GALNTL5: variants seen among roughly 807,000 people sequenced by gnomAD.
GALNTL5 encodes the protein inactive polypeptide N-acetylgalactosaminyltransferase-like protein 5.
Under a neutral mutation model 51.0 loss-of-function variants are expected in GALNTL5, and 44 were observed. That is an observed-to-expected ratio of 0.86 (90% CI 0.68 to 1.11). The LOEUF is 1.11. Ranked by LOEUF, GALNTL5 falls within the 50% of genes least tolerant of loss-of-function variation. The probability of loss-of-function intolerance (pLI) is 0.00; values close to 1 mark genes in which losing one functional copy is unlikely to be tolerated. For missense variants in GALNTL5, 528 were observed against 531.8 expected (o/e 0.99, Z 0.07); for synonymous variants, 192 against 182.8 (o/e 1.05, Z -0.41).
intron 1 of GALNTL5, among the ~76,000 whole-genome samples, chr7:151,964,072 T>C (rs2081027552): frequency 6.6e-6 from 1 of 152,092 alleles, no homozygotes; most frequent in African/African-American, 2.4e-5. Context: ...CAGGTTTGGT[T>C]TCCCTGAGGC....
chr7:152,003,846 G>A (rs766747591), intron 6 of GALNTL5, among the ~76,000 whole-genome samples: 1 of 151,966 alleles, frequency 6.6e-6, no homozygotes, highest in Non-Finnish European at 1.5e-5. Flanking sequence ...ACATTTTTAG[G>A]CTCTAATGTA....
In GALNTL5 at chr7:151,967,389, CT is replaced by C; in HGVS notation, c.144del (p.Gly49GlufsTer20). 1 of 1,613,994 alleles carries C rather than the reference CT, an allele frequency of 6.2e-7. No homozygotes were observed. The highest frequency in any genetic ancestry group is 1.1e-5 in the South Asian group (1 of 91,078). Reference protein sequence around the residue: ...KSQEPLSAWSPGKKVHQQIIY... With the variant: ...KSQEPLSAWSXGKKVHQQIIY... ...CAGGAGCCTCTGTCAGCTTGGTCCC[CT>C]GGAAAAAAAGTGCATCAGCAAATTA... On this transcript the variant is annotated frameshift_variant, in exon 2 of 9. Coordinates refer to ENST00000392800, the MANE Select transcript of GALNTL5 (RefSeq NM_145292.4). LOFTEE classifies it high-confidence loss of function.
intron 3 of GALNTL5, among the ~76,000 whole-genome samples, chr7:151,977,519 A>G (rs2081222179): frequency 6.6e-6 from 1 of 152,166 alleles, no homozygotes; most frequent in Admixed American, 6.5e-5. Flanking sequence ...AAGTCTATGT[A>G]TGATTCAAGT....
At chr7:151,959,963 C>T (rs1229425612) in intron 1 of GALNTL5, among the ~76,000 whole-genome samples, 1 of 152,122 alleles carries the variant, frequency 6.6e-6, no homozygotes, top group Non-Finnish European at 1.5e-5. Context: ...CAGAGCCTTC[C>T]TCCTTCCCTG....
intron 6 of GALNTL5, among the ~76,000 whole-genome samples, chr7:152,004,289 TAC>T: frequency 6.6e-6 from 1 of 151,106 alleles, no homozygotes; most frequent in Admixed American, 6.6e-5. Context: ...TCTGTCAGTA[TAC>T]CTTTGTGTGA....
intron 4 of GALNTL5, among the ~76,000 whole-genome samples, chr7:151,984,886 C>T (rs2081340940): frequency 6.6e-6 from 1 of 152,194 alleles, no homozygotes; most frequent in African/African-American, 2.4e-5. Flanking sequence ...GGACGGATAC[C>T]TCCCCCAGCC....
intron 5 of GALNTL5, among the ~76,000 whole-genome samples, chr7:151,991,358 C>T (rs1028611346): frequency 6.6e-6 from 1 of 152,076 alleles, no homozygotes; most frequent in Non-Finnish European, 1.5e-5. Flanking sequence ...CTCATAGTGC[C>T]GGGATTACAG....
chr7:151,968,042 T>C (rs1436695001), intron 2 of GALNTL5, among the ~76,000 whole-genome samples: 2 of 152,176 alleles, frequency 1.3e-5, no homozygotes, highest in African/African-American at 4.8e-5. Flanking sequence ...ACACATGTAA[T>C]CTCGACCCTT....
chr7:151,978,634 A>T (rs563094273), intron 3 of GALNTL5, among the ~76,000 whole-genome samples: 5 of 152,310 alleles, frequency 3.3e-5, no homozygotes, highest in Non-Finnish European at 5.9e-5. Flanking sequence ...AACAAAAATT[A>T]TTCTCTCTCA....
At chr7:151,967,762 A>G (rs1229296962) in intron 2 of GALNTL5, among the ~76,000 whole-genome samples, 4 of 152,310 alleles carry the variant, frequency 2.6e-5, no homozygotes, top group Non-Finnish European at 1.5e-5. Flanking sequence ...GTAATAGTAC[A>G]GTAAAAACTC....
Position 151,967,203 on chromosome 7 carries a change from T to C in GALNTL5, c.-39-5T>C. The C allele has an allele frequency of 6.4e-7, 1 of 1,569,630 alleles. No individual in the cohort carries two copies. Among genetic ancestry groups the C allele is most frequent in the Non-Finnish European group, 8.7e-7 (1 of 1,150,684 alleles). ...TGCTGCTCCTCTTAAATCATTCTGA[T>C]TTAGGAAATTGAAAAATGGACCTTT... On this transcript the variant is annotated splice_polypyrimidine_tract_variant and splice_region_variant and intron_variant, in intron 1 of 8. Coordinates refer to ENST00000392800, the MANE Select transcript of GALNTL5 (RefSeq NM_145292.4).
Position 151,971,055 on chromosome 7 carries a change from A to G in GALNTL5, c.358A>G (p.Arg120Gly), listed in dbSNP as rs1353047575. Residue 120 changes from arginine to glycine, a missense_variant, in exon 3 of 9, where the codon AGG becomes GGG. Coordinates refer to ENST00000392800, the MANE Select transcript of GALNTL5 (RefSeq NM_145292.4). Reference sequence around the variant, plus strand: ...CATCGAAAGAGAAGTGCCAGATACCAGGAGTAAAATGTATGTTGTCTCTCT... The same window carrying G: ...CATCGAAAGAGAAGTGCCAGATACCGGGAGTAAAATGTATGTTGTCTCTCT... ...LGIEREVPDT[R>G]SKMCLQKHYP... 6.2e-7 allele frequency: 1 copy of G among 1,609,478 alleles called. No homozygotes were observed. Among genetic ancestry groups the G allele is most frequent in the Non-Finnish European group, 8.5e-7 (1 of 1,176,388 alleles).
At chr7:151,990,236 G>T (rs147037590) in intron 5 of GALNTL5, among the ~76,000 whole-genome samples, 2,764 of 151,834 alleles carry the variant, frequency 0.018, 65 homozygotes, top group African/African-American at 0.064. Context: ...TACAGAAGGG[G>T]TTTCACCATA....
chr7:151,986,307 A>T (rs2081358780), intron 4 of GALNTL5, among the ~76,000 whole-genome samples: 1 of 152,210 alleles, frequency 6.6e-6, no homozygotes, highest in African/African-American at 2.4e-5. Context: ...ATAGTGATTT[A>T]CTAAAATAGA....
Position 152,005,449 on chromosome 7 carries a change from C to T in GALNTL5, c.909-2378C>T, listed in dbSNP as rs572750688. On this transcript the variant is annotated intron_variant, in intron 6 of 8. Coordinates refer to ENST00000392800, the MANE Select transcript of GALNTL5 (RefSeq NM_145292.4). ...GTTTTCGGCCTGCACACCAAATGGA[C>T]GGAACTGCAGTGCCCTGAGATGAGA... Among the ~76,000 whole-genome samples, 8 of 152,244 alleles carry T rather than the reference C, an allele frequency of 5.3e-5. No homozygotes were observed. The South Asian group carries it at 1.0e-3, about 20-fold the overall frequency.
chr7:151,991,429 A>T (rs576298573), intron 5 of GALNTL5, among the ~76,000 whole-genome samples: 1 of 152,150 alleles, frequency 6.6e-6, no homozygotes, highest in East Asian at 1.9e-4. Flanking sequence ...GTAAAAAAAA[A>T]TTGATTTTTA....
chr7:151,968,795 C>A (rs2081091431), intron 2 of GALNTL5, among the ~76,000 whole-genome samples: 1 of 152,158 alleles, frequency 6.6e-6, no homozygotes, highest in Non-Finnish European at 1.5e-5. Flanking sequence ...TTGACATGGT[C>A]CAGTTTTTAA....
rs61288964 is a variant in GALNTL5 at position 151,980,737 on chromosome 7, ATTTTTTTTT to A, written c.369-2231_369-2223del. On this transcript the variant is annotated intron_variant, in intron 3 of 8. Coordinates refer to ENST00000392800, the MANE Select transcript of GALNTL5 (RefSeq NM_145292.4). ...CCGTGTGATTGCAGTGCTAACAATGATTTTTTTTTTTTTTTTTTTTTTTTTTGAGATGGA... is the reference window on the plus strand; with the variant it reads ...CCGTGTGATTGCAGTGCTAACAATGATTTTTTTTTTTTTTTTTGAGATGGA... Among the ~76,000 whole-genome samples, 310 of 98,964 alleles carry A rather than the reference ATTTTTTTTT, an allele frequency of 3.1e-3. 20 individuals carry two copies. The highest frequency in any genetic ancestry group is 0.015 in the East Asian group (49 of 3,214). The allele number at this position is 98,964 out of a possible 152,430, so 64.9% of individuals were successfully genotyped here.
Position 151,987,182 on chromosome 7 carries a change from T to C in GALNTL5, c.559T>C (p.Tyr187His). 3 of 1,593,854 alleles carry C rather than the reference T, an allele frequency of 1.9e-6. No individual in the cohort carries two copies. Among genetic ancestry groups the C allele is most frequent in the Non-Finnish European group, 1.7e-6 (2 of 1,173,264 alleles). Residue 187 changes from tyrosine (Y) to histidine (H), a missense_variant, in exon 5 of 9, where the codon TAT becomes CAT. Physicochemically the swap from Tyr to His is moderately conservative, Grantham distance 83. Transcript: ENST00000392800. ...AGATGATTTGAAAGAAAAACTAGAC[T>C]ATCACCTGGAAACTTTTCGGGGAAA... is the stretch of plus-strand genomic sequence containing the variant. Reference protein sequence around the residue: ...KVDDLKEKLDYHLETFRGKVK... With the variant: ...KVDDLKEKLDHHLETFRGKVK...
Sources: allele counts gnomAD v4.1 joint callset (sites outside exome capture counted in the v4.1 genomes callset), GRCh38; gene constraint gnomAD v4.1.1; transcripts MANE v1.5; gene names NCBI Gene and HGNC (gene_info 2026-07-23, HGNC 2026-07-21).